Variants in KTN1 observed in about 807,000 individuals in gnomAD.
The protein encoded by KTN1 is kinectin.
KTN1 carries 130 observed loss-of-function variants against 222.5 expected under a neutral mutation model. The ratio of observed to expected loss-of-function variants is 0.58; its 90% CI spans 0.51 to 0.68. KTN1 has a LOEUF of 0.68. Among genes scored for constraint, KTN1 ranks in the 30% least tolerant of loss-of-function variants. The pLI, the probability that KTN1 is intolerant of heterozygous loss-of-function variation, is 0.00. For synonymous variants in KTN1, 512 were observed against 496.3 expected (o/e 1.03, Z -0.42); for missense variants, 1,508 against 1,500.4 (o/e 1.01, Z -0.08).
chr14:55,627,780 CAA>C (rs2040025688), intron 5 of KTN1, 130 bp from the exon 6 acceptor site: 8 of 548,586 alleles, frequency 1.5e-5, no homozygotes, highest in Non-Finnish European at 2.6e-5. Flanking sequence ...CACGTCCCTG[CAA>C]AGGACATGAA....
intron 1 of KTN1, among the ~76,000 whole-genome samples, chr14:55,580,810 G>A (rs923949643): frequency 1.3e-5 from 2 of 152,188 alleles, no homozygotes; most frequent in African/African-American, 2.4e-5. Context: ...GCGCGTCTCC[G>A]GCGGCGTCCC....
intron 1 of KTN1, among the ~76,000 whole-genome samples, chr14:55,606,619 T>G (rs1416461786): frequency 6.6e-6 from 1 of 152,188 alleles, no homozygotes; most frequent in African/African-American, 2.4e-5. Flanking sequence ...TTCAAAATTG[T>G]TGTATTACTT....
intron 6 of KTN1, 48 bp from the exon 7 acceptor site, chr14:55,629,906 TATG>T: frequency 8.7e-7 from 1 of 1,147,472 alleles, no homozygotes; most frequent in Non-Finnish European, 1.3e-6. Flanking sequence ...GTTGCAGGCT[TATG>T]ATACTTATTA....
chr14:55,669,373 C>T (rs575604471), intron 34 of KTN1, among the ~76,000 whole-genome samples: 5 of 151,970 alleles, frequency 3.3e-5, no homozygotes, highest in African/African-American at 4.8e-5. Context: ...TGCATATAGT[C>T]TACAAGAAAT....
intron 5 of KTN1, among the ~76,000 whole-genome samples, chr14:55,623,144 A>G (rs2039375571): frequency 6.6e-6 from 1 of 152,196 alleles, no homozygotes; most frequent in African/African-American, 2.4e-5. Context: ...ATTCTTTCTT[A>G]CAACCGTCTG....
At chr14:55,641,891 A>G (rs1278819028) in intron 18 of KTN1, 131 bp downstream of exon 18, 9 of 648,912 alleles carry the variant, frequency 1.4e-5, no homozygotes, top group African/African-American at 3.7e-5. Flanking sequence ...TTGCCTTTCT[A>G]TTCATCCTGT....
At chr14:55,673,106 C>T (rs2045589648) in intron 39 of KTN1, 66 bp from the exon 40 acceptor site, 1 of 1,495,956 alleles carries the variant, frequency 6.7e-7, no homozygotes, top group Non-Finnish European at 9.3e-7. Context: ...GGCAGAGCTT[C>T]CGAGTAGCAT....
At chr14:55,588,386 C>T (rs2033457874) in intron 1 of KTN1, among the ~76,000 whole-genome samples, 1 of 152,138 alleles carries the variant, frequency 6.6e-6, no homozygotes, top group Non-Finnish European at 1.5e-5. Flanking sequence ...TTTTCCTTGT[C>T]ATGACTTTTC....
At chr14:55,640,870 G>A in intron 15 of KTN1, 63 bp from the exon 16 acceptor site, 1 of 1,363,926 alleles carries the variant, frequency 7.3e-7, no homozygotes, top group Non-Finnish European at 1.0e-6. Flanking sequence ...AAAAATTAGT[G>A]AAAAAAATAG....
chr14:55,669,205 T>A (rs1234037076), intron 34 of KTN1, among the ~76,000 whole-genome samples: 1 of 152,074 alleles, frequency 6.6e-6, no homozygotes, highest in East Asian at 1.9e-4. Context: ...AAAGATTGTA[T>A]AAGATCACCA....
At chr14:55,588,417 C>G (rs2033464632) in intron 1 of KTN1, among the ~76,000 whole-genome samples, 1 of 152,136 alleles carries the variant, frequency 6.6e-6, no homozygotes, top group Non-Finnish European at 1.5e-5. Context: ...GGGAGCACTT[C>G]CAGCATTACT....
chr14:55,627,773 G>A (rs1456637690), intron 5 of KTN1, 139 bp from the exon 6 acceptor site: 10 of 505,752 alleles, frequency 2.0e-5, no homozygotes, highest in African/African-American at 4.0e-5. Flanking sequence ...CTTCATCCAC[G>A]TCCCTGCAAA....
At chr14:55,643,515 T>A (rs965662768) in intron 18 of KTN1, among the ~76,000 whole-genome samples, 1 of 152,176 alleles carries the variant, frequency 6.6e-6, no homozygotes, top group South Asian at 2.1e-4. Context: ...ATTTTTGAAA[T>A]GCTGATAACC....
chr14:55,586,386 T>C (rs778125635), intron 1 of KTN1, among the ~76,000 whole-genome samples: 2 of 152,170 alleles, frequency 1.3e-5, no homozygotes, highest in Non-Finnish European at 2.9e-5. Flanking sequence ...GGAGTACATA[T>C]TTGCTGTCAA....
chr14:55,641,221 G>A lies in KTN1; in HGVS notation c.2103+13G>A. 1 of 1,492,006 alleles carries A rather than the reference G, an allele frequency of 6.7e-7. No individual in the cohort carries two copies. The highest frequency in any genetic ancestry group is 9.1e-7 in the Non-Finnish European group (1 of 1,094,350). 92.4% of individuals were successfully genotyped at this position (1,492,006 alleles called of 1,614,324 possible). On this transcript the variant is annotated intron_variant, in intron 17 of 43. Coordinates refer to ENST00000395314, the MANE Select transcript of KTN1 (RefSeq NM_001079521.2). ...GGAAGAATTTAAGGTGTGTGATTAA[G>A]CTTGTACACTCAGGTTTCTTAGAAC...
intron 1 of KTN1, among the ~76,000 whole-genome samples, chr14:55,604,496 A>G (rs1358132998): frequency 2.0e-5 from 3 of 152,168 alleles, no homozygotes; most frequent in Non-Finnish European, 4.4e-5. Flanking sequence ...AAAAAATTAA[A>G]TAAAATTTAA....
Position 55,650,005 on chromosome 14 carries a change from A to C in KTN1, c.2405+192A>C, listed in dbSNP as rs533817942. Reference sequence around the variant, plus strand: ...AAATTCAGTATAATTAAAAAAAAAAAAACAAAAAAAAACTATTTCCAGAGG... The same window carrying C: ...AAATTCAGTATAATTAAAAAAAAAACAACAAAAAAAAACTATTTCCAGAGG... On this transcript the variant is annotated intron_variant, in intron 22 of 43. Transcript: ENST00000395314. Among the ~76,000 whole-genome samples, 412 of 151,890 alleles carry C rather than the reference A, an allele frequency of 2.7e-3. 1 individual carries two copies. The highest frequency in any genetic ancestry group is 8.9e-3 in the African/African-American group (370 of 41,506).
At chr14:55,667,376 A>AAT in intron 34 of KTN1, 46 bp downstream of exon 34, 2 of 1,154,544 alleles carry the variant, frequency 1.7e-6, no homozygotes, top group Non-Finnish European at 2.5e-6. Context: ...ATTATTCAAG[A>AAT]AAGGTGTGAA....
intron 4 of KTN1, 129 bp downstream of exon 4, chr14:55,618,263 C>A: frequency 1.5e-6 from 1 of 668,964 alleles, no homozygotes; most frequent in Non-Finnish European, 2.3e-6. Context: ...TGGTAGAAGA[C>A]TTATTGGTAG....
Sources: allele counts gnomAD v4.1 joint callset (sites outside exome capture counted in the v4.1 genomes callset), GRCh38; gene constraint gnomAD v4.1.1; transcripts MANE v1.5; gene names NCBI Gene and HGNC (gene_info 2026-07-23, HGNC 2026-07-21).